MX2: variants seen among roughly 807,000 people sequenced by gnomAD.
The protein encoded by MX2 is MX dynamin like GTPase 2.
In MX2, 51 loss-of-function variants were observed where a neutral mutation model predicts 74.0. That is an observed-to-expected ratio of 0.69 (90% CI 0.55 to 0.87). The LOEUF is 0.87. MX2 is among the 40% of genes least tolerant of loss of function. The pLI is 0.00. For missense variants in MX2, 832 were observed against 908.7 expected (o/e 0.92, Z 1.09); for synonymous variants, 369 against 339.3 (o/e 1.09, Z -0.96).
Position 41,399,281 on chromosome 21 carries a change from A to C in MX2, c.1358A>C (p.Lys453Thr), listed in dbSNP as rs201039755. Residue 453 changes from lysine to threonine, a missense_variant, in exon 10 of 14, where the codon AAA (lysine) becomes ACA (threonine). Coordinates refer to ENST00000330714, the MANE Select transcript of MX2 (RefSeq NM_002463.2). The stretch of plus-strand genomic sequence containing the variant: ...GAGAATGAGACCCGTTTATACAACA[A>C]AATCAGAGAGGATTTTAAAAACTGG... ...VRENETRLYN[K>T]IREDFKNWVG... 6.2e-7 allele frequency: 1 copy of C among 1,614,180 alleles called. No homozygotes were observed. The highest frequency in any genetic ancestry group is 1.7e-5 in the Admixed American group (1 of 60,030).
chr21:41,382,334 C>T (rs2089507429), intron 4 of MX2, 76 bp from the exon 5 acceptor site: 3 of 1,516,596 alleles, frequency 2.0e-6, no homozygotes, highest in Non-Finnish European at 2.7e-6. Context: ...AAGGAGCAGT[C>T]ATTACCTTCA....
intron 5 of MX2, among the ~76,000 whole-genome samples, chr21:41,389,358 A>T (rs1601415952): frequency 6.6e-6 from 1 of 152,146 alleles, no homozygotes; most frequent in East Asian, 1.9e-4. Flanking sequence ...CTACAAAAAT[A>T]AAAAATTAAA....
Position 41,408,310 on chromosome 21 carries a change from TG to T in MX2, c.*78del, listed in dbSNP as rs1409552760. The T allele has an allele frequency of 2.6e-6, 4 of 1,557,854 alleles. No homozygotes were observed. Among genetic ancestry groups the T allele is most frequent in the Non-Finnish European group, 3.5e-6 (4 of 1,151,764 alleles). Reference sequence around the variant, plus strand: ...GGGAGTCGGTGCAGGATGCCGCTTCTGCTTTGGGGCCAAACTCTTCTGTCAC... The same window carrying T: ...GGGAGTCGGTGCAGGATGCCGCTTCTCTTTGGGGCCAAACTCTTCTGTCAC... On this transcript the variant is annotated 3_prime_UTR_variant, in exon 14 of 14. Coordinates refer to ENST00000330714, the MANE Select transcript of MX2 (RefSeq NM_002463.2).
chr21:41,395,702 C>A lies in MX2; in HGVS notation c.987C>A (p.Gly329=). Reference sequence around the variant, plus strand: ...GCTACATGATTGTGAAGTGCCGGGGCCAGCAGGAGATCACAAACAGGCTGA... The same window carrying A: ...GCTACATGATTGTGAAGTGCCGGGGACAGCAGGAGATCACAAACAGGCTGA... ...KKGYMIVKCR[G]QQEITNRLSL... The change falls in exon 7 of 14, where the codon GGC becomes GGA. Residue 329 remains glycine, a synonymous_variant. Transcript: ENST00000330714. 1 of 1,614,158 alleles carries A rather than the reference C, an allele frequency of 6.2e-7. No homozygotes were observed. Among genetic ancestry groups the A allele is most frequent in the South Asian group, 1.1e-5 (1 of 91,066 alleles).
chr21:41,372,878 G>A (rs1002352166), intron 1 of MX2: 2 of 152,308 alleles, frequency 1.3e-5, no homozygotes, highest in African/African-American at 4.8e-5. Flanking sequence ...ATGGGTGCAT[G>A]GCAGTTTCCT....
chr21:41,382,841 G>C (rs533920573), intron 5 of MX2, among the ~76,000 whole-genome samples: 2 of 152,384 alleles, frequency 1.3e-5, no homozygotes, highest in South Asian at 4.1e-4. Flanking sequence ...GTGATCAGTT[G>C]TGATCAGTTG....
chr21:41,404,590 G>A (rs1185765900), intron 12 of MX2: 1 of 152,254 alleles, frequency 6.6e-6, no homozygotes, highest in African/African-American at 2.4e-5. Flanking sequence ...AAAGAAGGAA[G>A]GAGGGTAGGC....
In MX2 at chr21:41,408,331, T is replaced by A; in HGVS notation, c.*98T>A. 6.7e-7 allele frequency: 1 copy of A among 1,491,598 alleles called. No homozygotes were observed. Among genetic ancestry groups the A allele is most frequent in the Non-Finnish European group, 9.1e-7 (1 of 1,103,534 alleles). The allele number at this position is 1,491,598 out of a possible 1,614,324, so 92.4% of individuals were successfully genotyped here. A position where few individuals can be genotyped will look rare whatever the true frequency, so the allele number is the denominator to read the frequency against. On this transcript the variant is annotated 3_prime_UTR_variant, in exon 14 of 14. Transcript: ENST00000330714. ...CTTCTGCTTTGGGGCCAAACTCTTC[T>A]GTCACTATCAGTGTCCATCTCTACT...
intron 6 of MX2, among the ~76,000 whole-genome samples, chr21:41,393,121 A>T (rs1277920090): frequency 1.4e-5 from 2 of 143,536 alleles, no homozygotes; most frequent in African/African-American, 5.7e-5. Flanking sequence ...AAAAAAAAAA[A>T]AAAAAAAAAA....
rs773297327 is a variant in MX2 at position 41,395,677 on chromosome 21, G to C, written c.962G>C (p.Gly321Ala). 1.2e-6 allele frequency: 2 copies of C among 1,614,214 alleles called. No homozygotes were observed. The highest frequency in any genetic ancestry group is 1.7e-6 in the Non-Finnish European group (2 of 1,180,040). Reference protein sequence around the residue: ...VRNLTYPLKKGYMIVKCRGQQ... With the variant: ...VRNLTYPLKKAYMIVKCRGQQ... Reference sequence around the variant, plus strand: ...AACCTCACGTACCCCCTCAAGAAGGGCTACATGATTGTGAAGTGCCGGGGC... The same window carrying C: ...AACCTCACGTACCCCCTCAAGAAGGCCTACATGATTGTGAAGTGCCGGGGC... The change falls in exon 7 of 14, where the codon GGC becomes GCC. Residue 321 changes from glycine (G) to alanine (A), a missense_variant. By Grantham distance (60) the Gly-to-Ala change is moderately conservative (BLOSUM62 0). Transcript: ENST00000330714.
rs775954415 is a variant in MX2, at chr21:41,377,881, G to A, written c.342G>A (p.Gln114=). ...CCCTGCGGGCTCTGGGTGTGGAGCA[G>A]GACCTGGCCCTGCCAGCCATCGCCG... ...IDSLRALGVE[Q]DLALPAIAVI... Residue 114 remains glutamine (Q), a synonymous_variant, in exon 3 of 14, where the codon CAG becomes CAA. Coordinates refer to ENST00000330714, the MANE Select transcript of MX2 (RefSeq NM_002463.2). 47 of 1,614,122 alleles carry A rather than the reference G, an allele frequency of 2.9e-5. No individual in the cohort carries two copies. Among genetic ancestry groups the A allele is most frequent in the Non-Finnish European group, 3.8e-5 (45 of 1,180,056 alleles).
chr21:41,371,693 A>G (rs949305532), intron 1 of MX2, among the ~76,000 whole-genome samples: 2 of 152,164 alleles, frequency 1.3e-5, no homozygotes, highest in Non-Finnish European at 2.9e-5. Context: ...CCAATAGCCT[A>G]TTATATCCTC....
chr21:41,406,655 G>T lies in MX2; in HGVS notation c.1651-89G>T, dbSNP rs543227083. ...TTGACTATGGATTCGTTTTATTTCT[G>T]AGTTCAACATAATAGTACTTCCAAA... On this transcript the variant is annotated intron_variant, in intron 12 of 13. Coordinates refer to ENST00000330714, the MANE Select transcript of MX2 (RefSeq NM_002463.2). The T allele has an allele frequency of 2.4e-5, 32 of 1,320,084 alleles. No homozygotes were observed. In the East Asian group the frequency reaches 4.7e-4, roughly 19 times the overall value. The allele number at this position is 1,320,084 out of a possible 1,614,324, so 81.8% of individuals were successfully genotyped here. A position where few individuals can be genotyped will look rare whatever the true frequency, so the allele number is the denominator to read the frequency against.
At chr21:41,378,133 A>G in intron 3 of MX2, 152 bp downstream of exon 3, 2 of 979,130 alleles carry the variant, frequency 2.0e-6, no homozygotes, top group Non-Finnish European at 2.9e-6. Flanking sequence ...TGAGAGAGAC[A>G]GGCCACTGGG....
Position 41,380,545 on chromosome 21 carries a change from C to T in MX2, c.577+394C>T, listed in dbSNP as rs899117828. On this transcript the variant is annotated intron_variant, in intron 4 of 13. Transcript: ENST00000330714. This position sits in a 1 kb window ranked among gnomAD's most constrained non-coding sequence, Gnocchi z 4.3. ...CTTTGGATCTCAGGTCACCTGCGCC[C>T]CCTTTGGAAATGCTGCTGCAGGACC... 6.6e-6 allele frequency among the ~76,000 whole-genome samples: 1 copy of T among 152,186 alleles called. No homozygotes were observed. Among genetic ancestry groups the T allele is most frequent in the Non-Finnish European group, 1.5e-5 (1 of 68,038 alleles).
chr21:41,401,779 TCCCCCAAAAG>T, intron 10 of MX2, 181 bp from the exon 11 acceptor site: 1 of 539,630 alleles, frequency 1.9e-6, no homozygotes, highest in Non-Finnish European at 3.2e-6. Flanking sequence ...AAGATTTTTT[TCCCCCAAAAG>T]TCAGTATTTC....
chr21:41,403,437 G>T lies in MX2; in HGVS notation c.1650+94G>T, dbSNP rs188149878. The T allele has an allele frequency of 4.2e-3, 4,885 of 1,150,886 alleles. 18 individuals are homozygous for T. Among genetic ancestry groups the T allele is most frequent in the Non-Finnish European group, 5.6e-3 (4,259 of 761,214 alleles). The allele number at this position is 1,150,886 out of a possible 1,614,324, so 71.3% of individuals were successfully genotyped here. A position where few individuals can be genotyped will look rare whatever the true frequency, so the allele number is the denominator to read the frequency against. ...ATTCACTGTCATTTGGAACCATGAG[G>T]CCAGGGATGTAATGGCAGGCTGGCG... is the stretch of plus-strand genomic sequence containing the variant. On this transcript the variant is annotated intron_variant, in intron 12 of 13. Transcript: ENST00000330714.
chr21:41,400,888 G>A (rs1156361648), intron 10 of MX2: 1 of 152,182 alleles, frequency 6.6e-6, no homozygotes, highest in Non-Finnish European at 1.5e-5. Context: ...TGTACTTTTA[G>A]TAGAGATGGG....
intron 6 of MX2, among the ~76,000 whole-genome samples, chr21:41,395,345 C>G (rs445959): frequency 6.6e-6 from 1 of 152,052 alleles, no homozygotes; most frequent in Non-Finnish European, 1.5e-5. Context: ...TAGGCATCCA[C>G]GAAATATTTG....
Sources: allele counts gnomAD v4.1 joint callset (sites outside exome capture counted in the v4.1 genomes callset), GRCh38; gene constraint gnomAD v4.1.1; non-coding constraint Gnocchi (gnomAD v3.1); transcripts MANE v1.5; gene names NCBI Gene and HGNC (gene_info 2026-07-23, HGNC 2026-07-21).